TLL1: variants seen among roughly 807,000 people sequenced by gnomAD.
The protein encoded by TLL1 is tolloid-like protein 1.
A neutral mutation model predicts 128.2 loss-of-function variants in TLL1; 49 were observed. That is an observed-to-expected ratio of 0.38 (90% CI 0.30 to 0.48). The LOEUF is 0.48. Ranked by LOEUF, TLL1 falls within the 20% of genes least tolerant of loss-of-function variation. The probability of loss-of-function intolerance (pLI) is 0.96; values close to 1 mark genes in which losing one functional copy is unlikely to be tolerated. For missense variants in TLL1, 1,123 were observed against 1,242.0 expected (o/e 0.90, Z 1.44); for synonymous variants, 454 against 418.8 (o/e 1.08, Z -1.03).
At chr4:166,007,766 A>G (rs903617912) in intron 6 of TLL1, among the ~76,000 whole-genome samples, 177 bp from the exon 7 acceptor site, 5 of 151,682 alleles carry the variant, frequency 3.3e-5, no homozygotes, top group Admixed American at 2.0e-4. Flanking sequence ...TTGCTTTTCA[A>G]TATGATGGTA....
intron 18 of TLL1, among the ~76,000 whole-genome samples, chr4:166,084,461 G>A (rs1021450795): frequency 6.6e-6 from 1 of 152,030 alleles, no homozygotes; most frequent in Non-Finnish European, 1.5e-5. Context: ...TCATTGCCCA[G>A]ACCAATGTCA....
At chr4:166,022,319 C>T (rs1316838530) in intron 8 of TLL1, among the ~76,000 whole-genome samples, 1 of 152,092 alleles carries the variant, frequency 6.6e-6, no homozygotes, top group Non-Finnish European at 1.5e-5. Context: ...CCTGCCGCCA[C>T]CACATCTGGC....
At chr4:165,919,445 C>T (rs1732933959) in intron 1 of TLL1, among the ~76,000 whole-genome samples, 1 of 148,424 alleles carries the variant, frequency 6.7e-6, no homozygotes, top group Non-Finnish European at 1.5e-5. Context: ...AACTTAATAA[C>T]TTAATTAAAA....
chr4:166,062,878 T>G (rs1740393218), intron 15 of TLL1, among the ~76,000 whole-genome samples: 1 of 152,168 alleles, frequency 6.6e-6, no homozygotes, highest in Non-Finnish European at 1.5e-5. Context: ...CTGTTATTAT[T>G]TTGAGATACA....
intron 1 of TLL1, among the ~76,000 whole-genome samples, chr4:165,935,558 A>G (rs1241624152): frequency 1.3e-5 from 2 of 152,238 alleles, no homozygotes; most frequent in Admixed American, 1.3e-4. Context: ...CACCCAAGTC[A>G]AGAAATAGAA....
intron 1 of TLL1, among the ~76,000 whole-genome samples, chr4:165,960,564 A>G (rs1477046522): frequency 6.6e-6 from 1 of 152,154 alleles, no homozygotes; most frequent in Non-Finnish European, 1.5e-5. Context: ...AAAATTCTCA[A>G]CAAAATACTA....
At chr4:166,048,011 C>T (rs150070394) in intron 12 of TLL1, among the ~76,000 whole-genome samples, 2 of 151,928 alleles carry the variant, frequency 1.3e-5, no homozygotes, top group East Asian at 1.9e-4. Flanking sequence ...CCTAGGCAGG[C>T]GGATCACCTG....
intron 9 of TLL1, among the ~76,000 whole-genome samples, chr4:166,026,491 A>G (rs1477428276): frequency 6.6e-6 from 1 of 152,212 alleles, no homozygotes; most frequent in Non-Finnish European, 1.5e-5. Flanking sequence ...GTTTGAGACC[A>G]GCCTGGCCAA....
intron 1 of TLL1, among the ~76,000 whole-genome samples, chr4:165,940,188 G>A (rs182430898): frequency 3.6e-4 from 55 of 151,672 alleles, no homozygotes; most frequent in African/African-American, 1.3e-3. Flanking sequence ...TTTCATGACA[G>A]CACAATTTTT....
At chr4:166,093,568 G>A (rs1741878548) in intron 19 of TLL1, among the ~76,000 whole-genome samples, 1 of 152,146 alleles carries the variant, frequency 6.6e-6, no homozygotes, top group Admixed American at 6.5e-5. Context: ...GGGCAGGCAG[G>A]AGACAGTGGC....
intron 1 of TLL1, among the ~76,000 whole-genome samples, chr4:165,893,428 C>T (rs913102159): frequency 1.3e-5 from 2 of 152,148 alleles, no homozygotes; most frequent in African/African-American, 4.8e-5. Context: ...CAGGCAGAGA[C>T]CAGAGTCTCC....
chr4:166,039,214 T>C, intron 9 of TLL1, 125 bp from the exon 10 acceptor site: 1 of 695,274 alleles, frequency 1.4e-6, no homozygotes, highest in Non-Finnish European at 2.5e-6. Flanking sequence ...AATTATAGTA[T>C]AGAAAAACAA....
chr4:166,013,048 T>C (rs1197456119), intron 7 of TLL1, among the ~76,000 whole-genome samples: 1 of 151,808 alleles, frequency 6.6e-6, no homozygotes, highest in African/African-American at 2.4e-5. Context: ...CTCTCATTTC[T>C]GAGCTGTTGT....
chr4:165,944,534 A>T (rs142049514), intron 1 of TLL1, among the ~76,000 whole-genome samples: 9 of 152,226 alleles, frequency 5.9e-5, no homozygotes, highest in African/African-American at 1.7e-4. Flanking sequence ...CATATTTTTT[A>T]AAAATTGGAT....
intron 1 of TLL1, among the ~76,000 whole-genome samples, chr4:165,905,420 G>C (rs958214003): frequency 6.6e-6 from 1 of 152,132 alleles, no homozygotes; most frequent in Non-Finnish European, 1.5e-5. Context: ...GATTTTAATT[G>C]AACAAAAATT....
At chr4:165,919,378 G>A (rs1272275706) in intron 1 of TLL1, among the ~76,000 whole-genome samples, 1 of 129,870 alleles carries the variant, frequency 7.7e-6, no homozygotes, top group Non-Finnish European at 1.6e-5. Context: ...ATGAGACCCT[G>A]CTTCAAAAAA....
intron 12 of TLL1, among the ~76,000 whole-genome samples, chr4:166,047,234 G>A (rs962840934): frequency 6.6e-6 from 1 of 151,034 alleles, no homozygotes; most frequent in African/African-American, 2.4e-5. Context: ...GCGCGATCTC[G>A]GTTCACTGCA....
intron 1 of TLL1, among the ~76,000 whole-genome samples, chr4:165,942,036 A>G (rs6830061): frequency 7.6e-4 from 116 of 152,198 alleles, no homozygotes; most frequent in Non-Finnish European, 9.4e-4. Context: ...TTATTGACCC[A>G]TTTTACAGAT....
At chr4:166,029,556 G>C (rs1738660404) in intron 9 of TLL1, among the ~76,000 whole-genome samples, 2 of 151,890 alleles carry the variant, frequency 1.3e-5, no homozygotes, top group South Asian at 4.2e-4. Flanking sequence ...ACCATTTTTA[G>C]GTGTACAGTT....
Sources: allele counts gnomAD v4.1 joint callset (sites outside exome capture counted in the v4.1 genomes callset), GRCh38; gene constraint gnomAD v4.1.1; transcripts MANE v1.5; gene names NCBI Gene and HGNC (gene_info 2026-07-23, HGNC 2026-07-21).